The following MGAT5B variants were observed in gnomAD, a reference collection of about 807,000 sequenced individuals.
The protein encoded by MGAT5B is N-acetylglucosaminyl-transferase Vb.
MGAT5B carries 54 observed loss-of-function variants against 95.1 expected under a neutral mutation model. The ratio of observed to expected loss-of-function variants is 0.57; its 90% CI spans 0.46 to 0.71. The LOEUF (loss-of-function observed/expected upper bound fraction) is 0.71. MGAT5B is among the 30% of genes least tolerant of loss of function. The pLI, the probability that MGAT5B is intolerant of heterozygous loss-of-function variation, is 0.00. For synonymous variants in MGAT5B, 464 were observed against 451.0 expected, an observed-to-expected ratio of 1.03 and a Z score of -0.36; for missense variants, 935 against 1,088.6, an observed-to-expected ratio of 0.86 and a Z score of 1.99.
In MGAT5B at chr17:76,948,922, T is replaced by G; in HGVS notation, c.*84T>G. 1 of 1,411,624 alleles carries G rather than the reference T, an allele frequency of 7.1e-7. No individual in the cohort carries two copies. Among genetic ancestry groups the G allele is most frequent in the Non-Finnish European group, 9.5e-7 (1 of 1,052,362 alleles). 87.4% of individuals were successfully genotyped at this position (1,411,624 alleles called of 1,614,324 possible). On this transcript the variant is annotated 3_prime_UTR_variant, in exon 18 of 18. Coordinates refer to ENST00000569840, the MANE Select transcript of MGAT5B (RefSeq NM_001199172.2). ...GCACCAGCAGGTTCTGAGCCCTGGC[T>G]GCTTGTCCTCCTCGCAACCCCCCCA...
Position 76,906,043 on chromosome 17 carries a change from C to T in MGAT5B, c.881C>T (p.Thr294Met), listed in dbSNP as rs764427852. ...ATCCTGGTCCACATCGGCTTCCTGA[C>T]GGAGGAGTCCGGGGACGTGTTCAGC... is the stretch of plus-strand genomic sequence containing the variant. ...KQILVHIGFL[T>M]EESGDVFSPR... Residue 294 changes from threonine (T) to methionine (M), a missense_variant, in exon 8 of 18, where the codon ACG becomes ATG. Coordinates refer to ENST00000569840, the MANE Select transcript of MGAT5B (RefSeq NM_001199172.2). This position sits in a 1 kb window ranked among gnomAD's most constrained non-coding sequence, Gnocchi z 4.6. 23 of 1,605,858 alleles carry T rather than the reference C, an allele frequency of 1.4e-5. No individual in the cohort carries two copies. The highest frequency in any genetic ancestry group is 2.3e-5 in the East Asian group (1 of 43,356).
chr17:76,888,888 G>A (rs968911406), intron 3 of MGAT5B, among the ~76,000 whole-genome samples: 2 of 152,204 alleles, frequency 1.3e-5, no homozygotes, highest in African/African-American at 4.8e-5. Flanking sequence ...TAGGCCTCAG[G>A]TGGTGGAGGG....
At chr17:76,928,720 T>G (rs947278107) in intron 10 of MGAT5B, among the ~76,000 whole-genome samples, 3 of 149,400 alleles carry the variant, frequency 2.0e-5, no homozygotes, top group Non-Finnish European at 4.5e-5. Context: ...AAAAACAAAA[T>G]AGAGAAAAAA....
In MGAT5B at chr17:76,940,513, C is replaced by T; in HGVS notation, c.1696C>T (p.His566Tyr). 6.2e-7 allele frequency: 1 copy of T among 1,613,646 alleles called. No homozygotes were observed. Residue 566 changes from histidine (H) to tyrosine (Y), a missense_variant, in exon 14 of 18, where the codon CAC (histidine) becomes TAC (tyrosine). By Grantham distance (83) the His-to-Tyr change is moderately conservative. Around this residue, in one of 4 missense-constraint regions of MGAT5B, gnomAD observed 440 missense variants for 523.6 expected, o/e 0.84. Transcript: ENST00000569840. This position sits in a 1 kb window ranked among gnomAD's most constrained non-coding sequence, Gnocchi z 4.3. ...CAGCCCGCCCCACAGCTCCCTCAAC[C>T]ACGAGTTCTTCCGAGGCAAGCCCAC... ...RFSPPHSSLN[H>Y]EFFRGKPTSR... is the part of the protein sequence containing the mutation.
intron 3 of MGAT5B, among the ~76,000 whole-genome samples, chr17:76,882,741 G>A (rs76943265): frequency 0.091 from 11,662 of 127,984 alleles, 711 homozygotes; most frequent in East Asian, 0.25. Flanking sequence ...CACAGAGCCT[G>A]GTTGACTCTG....
intron 9 of MGAT5B, among the ~76,000 whole-genome samples, chr17:76,925,466 A>T (rs1050025550): frequency 1.3e-5 from 2 of 148,390 alleles, no homozygotes; most frequent in Non-Finnish European, 3.0e-5. Flanking sequence ...GGGTGGGGAG[A>T]GCAGCTCAGC....
chr17:76,918,736 C>T lies in MGAT5B; in HGVS notation c.1026-6230C>T, dbSNP rs888054197. 6.6e-6 allele frequency among the ~76,000 whole-genome samples: 1 copy of T among 152,178 alleles called. No homozygotes were observed. Among genetic ancestry groups the T allele is most frequent in the South Asian group, 2.1e-4 (1 of 4,828 alleles). ...GGTCAGGTTTGGAGGATTTCAGGGC[C>T]CTGGGGAGACAGAACGTCCCAGGCT... is the stretch of plus-strand genomic sequence containing the variant. On this transcript the variant is annotated intron_variant, in intron 8 of 17. Transcript: ENST00000569840. This position sits in a 1 kb window ranked among gnomAD's most constrained non-coding sequence, Gnocchi z 5.1.
rs1598876784 is a variant in MGAT5B, at chr17:76,869,161, G to A, written c.68+64G>A. 2 of 1,442,618 alleles carry A rather than the reference G, an allele frequency of 1.4e-6. No homozygotes were observed. Among genetic ancestry groups the A allele is most frequent in the East Asian group, 2.3e-5 (1 of 43,974 alleles). The allele number at this position is 1,442,618 out of a possible 1,614,324, so 89.4% of individuals were successfully genotyped here. ...CGCCGGGTGGAGGTGGGCGAGGTCG[G>A]TTCCTGCGAACGTTCAAGTCCTGGT... On this transcript the variant is annotated intron_variant, in intron 1 of 17. Transcript: ENST00000569840. The surrounding 1 kb of genome is among the most constrained non-coding windows in gnomAD (Gnocchi z 7.0).
At chr17:76,922,029 C>T (rs746615153) in intron 8 of MGAT5B, among the ~76,000 whole-genome samples, 23 of 152,284 alleles carry the variant, frequency 1.5e-4, no homozygotes, top group Admixed American at 2.6e-4. Flanking sequence ...AGAACCGCAG[C>T]GTGGTGGTCT....
intron 8 of MGAT5B, among the ~76,000 whole-genome samples, chr17:76,921,249 C>T (rs182042138): frequency 6.6e-6 from 1 of 152,186 alleles, no homozygotes; most frequent in African/African-American, 2.4e-5. Context: ...GAAATTTCTG[C>T]GGCACCTGGC....
rs536532682 is a variant in MGAT5B at position 76,929,770 on chromosome 17, C to A, written c.1292-2875C>A. Among the ~76,000 whole-genome samples the A allele has an allele frequency of 5.3e-5, 8 of 152,320 alleles. No individual in the cohort carries two copies. The East Asian group carries it at 1.5e-3, about 29-fold the overall frequency. ...CTCCAGGGAGCTAACTGGGGGGCTG[C>A]TGCCTCTCCTGGCCTTACCCTCGCT... On this transcript the variant is annotated intron_variant, in intron 10 of 17. Coordinates refer to ENST00000569840, the MANE Select transcript of MGAT5B (RefSeq NM_001199172.2).
chr17:76,924,456 GGTGGGAAGCAGGTAACCA>G (rs148144296), intron 8 of MGAT5B: 41,084 of 155,664 alleles, frequency 0.26, 5,868 homozygotes, highest in Admixed American at 0.34. Context: ...CGGTGCCCGG[GGTGGGAAGCAGGTAACCA>G]GTGGCCTGCA....
Position 76,912,984 on chromosome 17 carries a change from G to A in MGAT5B, c.1025+6797G>A, listed in dbSNP as rs746368313. ...TGCACAATTTCAAGCATCATTAATA[G>A]TACATGGCATGAGAAAACATTACTG... On this transcript the variant is annotated intron_variant, in intron 8 of 17. Transcript: ENST00000569840. The surrounding 1 kb of genome is among the most constrained non-coding windows in gnomAD (Gnocchi z 5.0). Among the ~76,000 whole-genome samples the A allele has an allele frequency of 1.8e-4, 27 of 152,222 alleles. No homozygotes were observed. The highest frequency in any genetic ancestry group is 2.0e-4 in the Admixed American group (3 of 15,288).
intron 2 of MGAT5B, among the ~76,000 whole-genome samples, chr17:76,878,740 G>C (rs150858261): frequency 1.4e-4 from 22 of 152,352 alleles, no homozygotes; most frequent in South Asian, 6.2e-4. Context: ...CTCCCCAAGT[G>C]CTGAGATTAT....
chr17:76,946,934 G>A (rs1220786747), intron 16 of MGAT5B, among the ~76,000 whole-genome samples: 2 of 152,224 alleles, frequency 1.3e-5, no homozygotes, highest in Admixed American at 1.3e-4. Context: ...GAGCGCCTGG[G>A]CAGGCACCTG....
chr17:76,934,854 G>T (rs188065543), intron 12 of MGAT5B, among the ~76,000 whole-genome samples: 2 of 152,290 alleles, frequency 1.3e-5, no homozygotes, highest in African/African-American at 4.8e-5. Flanking sequence ...TGGATGGAGA[G>T]AAAAATGAAA....
At chr17:76,946,107 A>AC (rs1027779690) in intron 15 of MGAT5B, 24 of 363,854 alleles carry the variant, frequency 6.6e-5, no homozygotes, top group Non-Finnish European at 1.9e-5. Context: ...TCCTCATTGC[A>AC]GTTGGGACAG....
At chr17:76,932,800 A>G (rs1969535817) in intron 11 of MGAT5B, 25 bp downstream of exon 11, 2 of 1,612,008 alleles carry the variant, frequency 1.2e-6, no homozygotes, top group Non-Finnish European at 1.7e-6. Context: ...TGCGCGCGGG[A>G]AGCACCAGCC....
chr17:76,923,671 A>G (rs1231597265), intron 8 of MGAT5B, among the ~76,000 whole-genome samples: 2 of 152,170 alleles, frequency 1.3e-5, no homozygotes, highest in South Asian at 2.1e-4. Flanking sequence ...CAGCACCCCC[A>G]GGTGTACACA....
Sources: gnomAD v4.1 joint callset for allele counts (sites outside exome capture counted in the v4.1 genomes callset) on GRCh38, gnomAD v4.1.1 for gene constraint, gnomAD v4.1.1 regional missense constraint, Gnocchi (gnomAD v3.1) non-coding constraint, MANE v1.5 for transcripts, NCBI Gene and HGNC (gene_info 2026-07-23, HGNC 2026-07-21) for gene names.